MSRA: variants seen among roughly 807,000 people sequenced by gnomAD.
MSRA encodes the protein mitochondrial peptide methionine sulfoxide reductase.
MSRA carries 54 observed loss-of-function variants against 31.3 expected under a neutral mutation model. The observed-to-expected ratio is 1.73, with a 90% CI of 1.39 to 2.17. MSRA has a LOEUF of 2.17. Among genes scored for constraint, MSRA ranks in the 30% most tolerant of loss-of-function variants. MSRA has a pLI of 0.00. For synonymous variants in MSRA, 169 were observed against 116.5 expected (o/e 1.45, Z -2.90); for missense variants, 507 against 300.9 (o/e 1.69, Z -5.07).
chr8:10,401,388 T>C lies in MSRA; in HGVS notation c.544-26760T>C, dbSNP rs138000109. ...TTCAGACCCATTAGGACGGCTATTATCAAAACAAAACAAAACAGAGAATAA... is the reference window on the plus strand; with the variant it reads ...TTCAGACCCATTAGGACGGCTATTACCAAAACAAAACAAAACAGAGAATAA... On this transcript the variant is annotated intron_variant, in intron 5 of 5. Transcript: ENST00000317173. 1.2e-4 allele frequency among the ~76,000 whole-genome samples: 19 copies of C among 152,254 alleles called. No homozygotes were observed. In the East Asian group the frequency reaches 3.3e-3, roughly 26 times the overall value.
intron 1 of MSRA, among the ~76,000 whole-genome samples, chr8:10,151,599 C>T (rs1253047226): frequency 6.6e-6 from 1 of 150,932 alleles, no homozygotes; most frequent in Non-Finnish European, 1.5e-5. Context: ...GCAGTGAGCC[C>T]AGATCGCGCC....
At chr8:10,247,950 G>T (rs1476810370) in intron 3 of MSRA, among the ~76,000 whole-genome samples, 1 of 152,162 alleles carries the variant, frequency 6.6e-6, no homozygotes, top group Non-Finnish European at 1.5e-5. Flanking sequence ...GCTAATTAAA[G>T]ATTTTTGACC....
At chr8:10,377,152 C>T (rs940931300) in intron 5 of MSRA, among the ~76,000 whole-genome samples, 8 of 152,346 alleles carry the variant, frequency 5.3e-5, no homozygotes, top group East Asian at 1.9e-4. Flanking sequence ...GTAATGATCG[C>T]GAGTTTTTCT....
Position 10,161,234 on chromosome 8 carries a change from C to T in MSRA, c.143-46599C>T, listed in dbSNP as rs140919794. Among the ~76,000 whole-genome samples, 14 of 152,294 alleles carry T rather than the reference C, an allele frequency of 9.2e-5. No individual in the cohort carries two copies. The East Asian group carries it at 2.7e-3, about 29-fold the overall frequency. ...AATAATTCCATTCCTCAGAGCATTG[C>T]TGAGAATATTTATATAATTAAATAT... On this transcript the variant is annotated intron_variant, in intron 1 of 5. Coordinates refer to ENST00000317173, the MANE Select transcript of MSRA (RefSeq NM_012331.5).
intron 1 of MSRA, among the ~76,000 whole-genome samples, chr8:10,109,486 C>T (rs1359464183): frequency 6.6e-6 from 1 of 151,938 alleles, no homozygotes; most frequent in Non-Finnish European, 1.5e-5. Context: ...GGGCAACAGG[C>T]ACGCACCTAC....
intron 5 of MSRA, among the ~76,000 whole-genome samples, chr8:10,347,318 G>C (rs1242791888): frequency 1.3e-5 from 2 of 152,114 alleles, no homozygotes; most frequent in Non-Finnish European, 2.9e-5. Context: ...ATTTCTCCCT[G>C]CCTTACGGAT....
At chr8:10,184,338 T>A (rs1056270796) in intron 1 of MSRA, among the ~76,000 whole-genome samples, 12 of 152,050 alleles carry the variant, frequency 7.9e-5, no homozygotes, top group African/African-American at 2.7e-4. Flanking sequence ...AGCCCCACCT[T>A]AGACACTAAT....
intron 1 of MSRA, among the ~76,000 whole-genome samples, chr8:10,191,755 GT>G (rs201637766): frequency 0.019 from 2,757 of 143,196 alleles, 24 homozygotes; most frequent in Middle Eastern, 0.025. Flanking sequence ...TTATAAAGAT[GT>G]TTTTTTTTTT....
intron 3 of MSRA, among the ~76,000 whole-genome samples, chr8:10,253,182 C>T (rs929578318): frequency 5.9e-5 from 9 of 152,334 alleles, no homozygotes; most frequent in African/African-American, 2.2e-4. Flanking sequence ...GCCTTTCCTT[C>T]CCCTTCAGGC....
rs539250359 is a variant in MSRA, at chr8:10,100,349, G to C, written c.142+45691G>C. 1.9e-4 allele frequency among the ~76,000 whole-genome samples: 29 copies of C among 152,306 alleles called. No homozygotes were observed. The South Asian group carries it at 5.8e-3, about 30-fold the overall frequency. On this transcript the variant is annotated intron_variant, in intron 1 of 5. Transcript: ENST00000317173. ...GGTGAGGGGCTGGAATTTAGCCTCA[G>C]CTTTGCTGCCCAAGCCCTGTGCCTT...
intron 5 of MSRA, among the ~76,000 whole-genome samples, chr8:10,342,821 G>A (rs1296323489): frequency 6.6e-6 from 1 of 152,186 alleles, no homozygotes; most frequent in Non-Finnish European, 1.5e-5. Flanking sequence ...AGTGACTTAG[G>A]GACCAGGCTC....
At chr8:10,101,792 T>G (rs1202348373) in intron 1 of MSRA, among the ~76,000 whole-genome samples, 1 of 152,226 alleles carries the variant, frequency 6.6e-6, no homozygotes, top group Non-Finnish European at 1.5e-5. Flanking sequence ...CATCTGCCAG[T>G]GGAAACTTGG....
intron 1 of MSRA, among the ~76,000 whole-genome samples, chr8:10,062,994 C>G (rs1213082673): frequency 6.6e-6 from 1 of 152,172 alleles, no homozygotes; most frequent in Admixed American, 6.5e-5. Flanking sequence ...TCTCACGCTT[C>G]CAACCACCCT....
chr8:10,133,748 T>A (rs146001134), intron 1 of MSRA, among the ~76,000 whole-genome samples: 7 of 152,316 alleles, frequency 4.6e-5, no homozygotes, highest in Admixed American at 1.3e-4. Context: ...AAGACTGTGA[T>A]ACTTGGAGGC....
Position 10,065,806 on chromosome 8 carries a change from G to A in MSRA, c.142+11148G>A, listed in dbSNP as rs572537879. 5.3e-5 allele frequency among the ~76,000 whole-genome samples: 8 copies of A among 152,200 alleles called. No homozygotes were observed. The East Asian group carries it at 1.4e-3, about 26-fold the overall frequency. On this transcript the variant is annotated intron_variant, in intron 1 of 5. Coordinates refer to ENST00000317173, the MANE Select transcript of MSRA (RefSeq NM_012331.5). ...GTGAGGACTGTATTGTTTACTTTAT[G>A]TGTTGTTTTAAAGTAGGAAGGAACA...
chr8:10,353,191 G>A (rs1804293573), intron 5 of MSRA, among the ~76,000 whole-genome samples: 1 of 152,246 alleles, frequency 6.6e-6, no homozygotes, highest in Non-Finnish European at 1.5e-5. Context: ...GCTCAAGGTA[G>A]TTGACATGTT....
At chr8:10,089,880 C>G (rs1314766570) in intron 1 of MSRA, among the ~76,000 whole-genome samples, 1 of 152,182 alleles carries the variant, frequency 6.6e-6, no homozygotes, top group East Asian at 1.9e-4. Context: ...TCACTTGATC[C>G]CTTGAGAATG....
chr8:10,278,654 G>T (rs1344275937), intron 3 of MSRA, among the ~76,000 whole-genome samples: 1 of 152,214 alleles, frequency 6.6e-6, no homozygotes, highest in African/African-American at 2.4e-5. Flanking sequence ...CACACTAACT[G>T]TGAGAGAACC....
At chr8:10,167,860 T>G (rs1022047850) in intron 1 of MSRA, among the ~76,000 whole-genome samples, 3 of 152,008 alleles carry the variant, frequency 2.0e-5, no homozygotes, top group African/African-American at 7.2e-5. Flanking sequence ...CCCCCACCCC[T>G]AAGGAAAAAA....
Sources: allele counts gnomAD v4.1 joint callset (sites outside exome capture counted in the v4.1 genomes callset), GRCh38; gene constraint gnomAD v4.1.1; transcripts MANE v1.5; gene names NCBI Gene and HGNC (gene_info 2026-07-23, HGNC 2026-07-21).